The following FAM120A variants were observed in gnomAD, a reference collection of about 807,000 sequenced individuals.
The protein encoded by FAM120A is family with sequence similarity 120 member A.
In FAM120A, 15 loss-of-function variants were observed where a neutral mutation model predicts 109.7. That is an observed-to-expected ratio of 0.14 (90% confidence interval 0.09 to 0.21). The LOEUF is 0.21. Among genes scored for constraint, FAM120A ranks in the 10% least tolerant of loss-of-function variants. The pLI, the probability that FAM120A is intolerant of heterozygous loss-of-function variation, is 1.00. For synonymous variants in FAM120A, 493 were observed against 572.8 expected (o/e 0.86, Z 1.99); for missense variants, 899 against 1,439.3 (o/e 0.62, Z 6.07).
intron 3 of FAM120A, among the ~76,000 whole-genome samples, chr9:93,477,361 G>A (rs937750018): frequency 4.6e-5 from 7 of 151,976 alleles, no homozygotes; most frequent in Non-Finnish European, 8.8e-5. Flanking sequence ...TTTCATCTCT[G>A]GCATGCTATA....
At chr9:93,555,152 A>G (rs1264383481) in intron 12 of FAM120A, among the ~76,000 whole-genome samples, 2 of 152,120 alleles carry the variant, frequency 1.3e-5, no homozygotes, top group African/African-American at 4.8e-5. Flanking sequence ...ATCTAATTCT[A>G]TCACCCCAGC....
intron 5 of FAM120A, among the ~76,000 whole-genome samples, chr9:93,505,124 A>G (rs1335786652): frequency 1.5e-5 from 2 of 135,682 alleles, no homozygotes; most frequent in African/African-American, 2.8e-5. Context: ...GCAGTGGCGC[A>G]ATCTCGGCTC....
At chr9:93,465,420 C>T (rs1333324679) in intron 1 of FAM120A, among the ~76,000 whole-genome samples, 1 of 152,184 alleles carries the variant, frequency 6.6e-6, no homozygotes, top group Non-Finnish European at 1.5e-5. Flanking sequence ...ACTGGACTAC[C>T]TGTGGGAAGA....
chr9:93,460,238 T>A (rs1218401143), intron 1 of FAM120A, among the ~76,000 whole-genome samples: 1 of 152,240 alleles, frequency 6.6e-6, no homozygotes, highest in East Asian at 1.9e-4. Context: ...CCAGTAGATT[T>A]ATAGGCAGAA....
intron 1 of FAM120A, among the ~76,000 whole-genome samples, chr9:93,466,510 C>G (rs1046999637): frequency 7.3e-5 from 11 of 151,456 alleles, no homozygotes; most frequent in Admixed American, 5.9e-4. Context: ...TTTTCCTGCT[C>G]CAGTGTCAGC....
intron 5 of FAM120A, among the ~76,000 whole-genome samples, chr9:93,511,214 C>G (rs1342210108): frequency 6.6e-6 from 1 of 152,174 alleles, no homozygotes; most frequent in Non-Finnish European, 1.5e-5. Flanking sequence ...GGGCCTTGTA[C>G]TTAGCCTTCT....
chr9:93,537,368 A>C (rs950346156), intron 10 of FAM120A, among the ~76,000 whole-genome samples: 10 of 152,218 alleles, frequency 6.6e-5, no homozygotes, highest in African/African-American at 2.4e-4. Flanking sequence ...CCCAGCTATA[A>C]TTGAAGAGCG....
At chr9:93,558,092 T>C in intron 14 of FAM120A, 82 bp downstream of exon 14, 1 of 1,364,586 alleles carries the variant, frequency 7.3e-7, no homozygotes, top group South Asian at 1.5e-5. Context: ...GGCAAGCCCA[T>C]CTGCTGTGTT....
intron 3 of FAM120A, among the ~76,000 whole-genome samples, chr9:93,485,005 GT>G (rs771704211): frequency 2.6e-5 from 4 of 152,188 alleles, no homozygotes; most frequent in African/African-American, 9.7e-5. Flanking sequence ...CGTCAGCCCT[GT>G]TTCTAACCAG....
At chr9:93,471,886 TAAA>T (rs966777059) in intron 2 of FAM120A, among the ~76,000 whole-genome samples, 4 of 152,220 alleles carry the variant, frequency 2.6e-5, no homozygotes, top group African/African-American at 9.6e-5. Context: ...TACATGTCTT[TAAA>T]AAATTTCCTT....
chr9:93,545,194 G>A (rs1287661704), intron 11 of FAM120A, among the ~76,000 whole-genome samples: 1 of 152,178 alleles, frequency 6.6e-6, no homozygotes, highest in Non-Finnish European at 1.5e-5. Context: ...AGTGGGGGAT[G>A]GCATTTAGAA....
chr9:93,554,604 C>T (rs1008950831), intron 12 of FAM120A, among the ~76,000 whole-genome samples: 1 of 151,906 alleles, frequency 6.6e-6, no homozygotes, highest in African/African-American at 2.4e-5. Flanking sequence ...ACCTGGGAGG[C>T]AGAGGTTGCA....
chr9:93,502,858 C>T lies in FAM120A; in HGVS notation c.1030+3972C>T, dbSNP rs189485921. On this transcript the variant is annotated intron_variant, in intron 5 of 17. Coordinates refer to ENST00000277165, the MANE Select transcript of FAM120A (RefSeq NM_014612.5). ...GTTGAGATTTCAAAATATTTAGTTCCCTAGTTAAACCAGTTGCTTCAAAAT... is the reference window on the plus strand; with the variant it reads ...GTTGAGATTTCAAAATATTTAGTTCTCTAGTTAAACCAGTTGCTTCAAAAT... Among the ~76,000 whole-genome samples the T allele has an allele frequency of 5.6e-4, 85 of 152,178 alleles. 1 individual carries two copies. Among genetic ancestry groups the T allele is most frequent in the African/African-American group, 1.6e-3 (66 of 41,510 alleles).
At chr9:93,511,394 C>T (rs1259700907) in intron 5 of FAM120A, among the ~76,000 whole-genome samples, 2 of 152,216 alleles carry the variant, frequency 1.3e-5, no homozygotes, top group Non-Finnish European at 2.9e-5. Context: ...TCCTTTGCCT[C>T]CCTGGGCACT....
At chr9:93,497,758 A>G (rs746759212) in intron 4 of FAM120A, among the ~76,000 whole-genome samples, 159 bp downstream of exon 4, 1 of 152,202 alleles carries the variant, frequency 6.6e-6, no homozygotes, top group East Asian at 1.9e-4. Flanking sequence ...TGCAGGTTGC[A>G]AGGCCAGAGG....
At chr9:93,553,564 A>G (rs1376715125) in intron 12 of FAM120A, among the ~76,000 whole-genome samples, 2 of 152,208 alleles carry the variant, frequency 1.3e-5, no homozygotes, top group Non-Finnish European at 2.9e-5. Flanking sequence ...CCATATTTGT[A>G]TTTCTTATAA....
At chr9:93,556,361 A>G (rs886831723) in intron 12 of FAM120A, 21 bp from the exon 13 acceptor site, 1 of 1,595,700 alleles carries the variant, frequency 6.3e-7, no homozygotes, top group Admixed American at 1.7e-5. Flanking sequence ...TTCCATAGAA[A>G]TTACTCTTTT....
chr9:93,554,701 A>T (rs1452909710), intron 12 of FAM120A, among the ~76,000 whole-genome samples: 1 of 151,890 alleles, frequency 6.6e-6, no homozygotes, highest in Non-Finnish European at 1.5e-5. Context: ...CACCATTAGG[A>T]TGGTGCTGCA....
At chr9:93,561,034 T>G (rs1382371704) in intron 15 of FAM120A, 75 bp from the exon 16 acceptor site, 2 of 1,521,862 alleles carry the variant, frequency 1.3e-6, no homozygotes, top group African/African-American at 2.8e-5. Flanking sequence ...AAAAGAAGTT[T>G]CTTGCTTGTA....
Sources: allele counts gnomAD v4.1 joint callset (sites outside exome capture counted in the v4.1 genomes callset), GRCh38; gene constraint gnomAD v4.1.1; transcripts MANE v1.5; gene names NCBI Gene and HGNC (gene_info 2026-07-23, HGNC 2026-07-21).